SGCD: variants seen among roughly 807,000 people sequenced by gnomAD.
The protein encoded by SGCD is sarcoglycan delta.
Under a neutral mutation model 36.6 loss-of-function variants are expected in SGCD, and 18 were observed. That is an observed-to-expected ratio of 0.49 (90% CI 0.34 to 0.73). The LOEUF is 0.73. Ranked by LOEUF, SGCD falls within the 30% of genes least tolerant of loss-of-function variation. The pLI is 0.01. For missense variants in SGCD, 387 were observed against 346.7 expected, an observed-to-expected ratio of 1.12 and a Z score of -0.92; for synonymous variants, 133 against 130.6, an observed-to-expected ratio of 1.02 and a Z score of -0.12.
At chr5:156,509,349 C>T (rs886145628) in intron 4 of SGCD, among the ~76,000 whole-genome samples, 30 of 152,054 alleles carry the variant, frequency 2.0e-4, no homozygotes, top group African/African-American at 6.3e-4. Context: ...TGCTTGAACC[C>T]AGGAGGTGGA....
intron 6 of SGCD, among the ~76,000 whole-genome samples, chr5:156,636,595 T>C (rs1204449468): frequency 6.6e-6 from 1 of 152,154 alleles, no homozygotes; most frequent in African/African-American, 2.4e-5. Context: ...GAAGTGGCAT[T>C]TGACCTGGGC....
chr5:156,411,393 G>A (rs1393913335), intron 3 of SGCD, among the ~76,000 whole-genome samples: 1 of 152,194 alleles, frequency 6.6e-6, no homozygotes, highest in Non-Finnish European at 1.5e-5. Context: ...GGAGCAGTAG[G>A]GAGTTCGAAG....
chr5:156,477,908 T>G (rs192241970), intron 3 of SGCD, among the ~76,000 whole-genome samples: 1 of 152,052 alleles, frequency 6.6e-6, no homozygotes, highest in Non-Finnish European at 1.5e-5. Flanking sequence ...AGAGAAAAAA[T>G]AATATTTTTA....
At chr5:155,948,379 G>A (rs1757483483) in intron 1 of SGCD, among the ~76,000 whole-genome samples, 1 of 152,154 alleles carries the variant, frequency 6.6e-6, no homozygotes, top group Non-Finnish European at 1.5e-5. Context: ...TTGGGTGGCT[G>A]GCCAAGTCGG....
chr5:156,074,207 C>T (rs1458992237), intron 1 of SGCD, among the ~76,000 whole-genome samples: 2 of 152,116 alleles, frequency 1.3e-5, no homozygotes, highest in Non-Finnish European at 2.9e-5. Context: ...TCAAATGTAG[C>T]TCAAGTACCC....
chr5:156,175,801 C>A (rs1157079907), intron 3 of SGCD, among the ~76,000 whole-genome samples: 2 of 151,928 alleles, frequency 1.3e-5, no homozygotes, highest in Non-Finnish European at 2.9e-5. Flanking sequence ...TGTGATGGTC[C>A]TAATCAATAA....
upstream of SGCD, among the ~76,000 whole-genome samples, chr5:156,325,922 A>G (rs1003004269): frequency 2.0e-5 from 3 of 152,128 alleles, no homozygotes; most frequent in Non-Finnish European, 4.4e-5. Context: ...TTGATGCTAA[A>G]CTCACGACCC....
intron 4 of SGCD, among the ~76,000 whole-genome samples, chr5:156,515,845 G>C (rs1180300034): frequency 6.6e-6 from 1 of 152,228 alleles, no homozygotes; most frequent in Non-Finnish European, 1.5e-5. Flanking sequence ...GTGCCCTGGA[G>C]ACTAGGTGGT....
At chr5:156,203,666 A>G (rs555683311) in intron 3 of SGCD, among the ~76,000 whole-genome samples, 2 of 152,258 alleles carry the variant, frequency 1.3e-5, no homozygotes, top group Admixed American at 1.3e-4. Flanking sequence ...AATAATTTAT[A>G]GACAGTTCCT....
intron 3 of SGCD, among the ~76,000 whole-genome samples, chr5:156,263,601 A>C (rs974858975): frequency 1.3e-5 from 2 of 152,142 alleles, no homozygotes; most frequent in Non-Finnish European, 2.9e-5. Flanking sequence ...TAGTTTAATT[A>C]AGTTCCTATT....
intron 1 of SGCD, among the ~76,000 whole-genome samples, chr5:155,913,626 T>C (rs1409449978): frequency 1.3e-5 from 2 of 152,194 alleles, no homozygotes; most frequent in Non-Finnish European, 2.9e-5. Context: ...AGTTTCTGTT[T>C]TTAGATTATA....
At chr5:156,198,282 T>G (rs185674362) in intron 3 of SGCD, among the ~76,000 whole-genome samples, 17 of 152,184 alleles carry the variant, frequency 1.1e-4, no homozygotes, top group African/African-American at 3.4e-4. Context: ...AAGTAAAAAC[T>G]TGGCCTTGCA....
the SGCD span, among the ~76,000 whole-genome samples, chr5:155,841,034 A>ACGTGGGCT: frequency 0.86 from 114,628 of 133,254 alleles, 49,402 homozygotes; most frequent in East Asian, 0.99. Context: ...AAAAAAAAAG[A>ACGTGGGCT]CTGGGGCACT....
At chr5:156,387,753 A>C (rs1771347102) in intron 3 of SGCD, among the ~76,000 whole-genome samples, 1 of 152,184 alleles carries the variant, frequency 6.6e-6, no homozygotes. Flanking sequence ...CTTCAAGAAA[A>C]ATATCCTTAT....
At chr5:155,743,633 C>T in the SGCD span, among the ~76,000 whole-genome samples, 1 of 152,178 alleles carries the variant, frequency 6.6e-6, no homozygotes, top group Admixed American at 6.5e-5. Flanking sequence ...CTGTATGCTA[C>T]AAAACACCTA....
chr5:156,599,630 C>T lies in SGCD; in HGVS notation c.502+4579C>T, dbSNP rs536314503. Among the ~76,000 whole-genome samples, 21 of 152,188 alleles carry T rather than the reference C, an allele frequency of 1.4e-4. No individual in the cohort carries two copies. In the South Asian group the frequency reaches 2.3e-3, roughly 17 times the overall value. On this transcript the variant is annotated intron_variant, in intron 6 of 8. Transcript: ENST00000337851. The stretch of plus-strand genomic sequence containing the variant: ...ACAACCTTGAGCACATTCAAGGGAT[C>T]TTGAATAGTATGGTAAAAAGACTAG...
At chr5:156,645,950 C>T (rs1763208112) in intron 6 of SGCD, among the ~76,000 whole-genome samples, 1 of 152,102 alleles carries the variant, frequency 6.6e-6, no homozygotes, top group South Asian at 2.1e-4. Flanking sequence ...CTCATTCAGC[C>T]TTCCAAGATT....
chr5:156,047,413 C>T (rs1759795971), intron 1 of SGCD, among the ~76,000 whole-genome samples: 1 of 152,124 alleles, frequency 6.6e-6, no homozygotes, highest in Admixed American at 6.6e-5. Flanking sequence ...AATGCCTGGC[C>T]TCATTGCTTC....
chr5:156,466,873 T>TA (rs1486570263), intron 3 of SGCD, among the ~76,000 whole-genome samples: 5 of 152,186 alleles, frequency 3.3e-5, no homozygotes, highest in African/African-American at 1.2e-4. Context: ...TGCAATTTTT[T>TA]ATTTTTTTTA....
Sources: allele counts gnomAD v4.1 joint callset (sites outside exome capture counted in the v4.1 genomes callset), GRCh38; gene constraint gnomAD v4.1.1; transcripts MANE v1.5; gene names NCBI Gene and HGNC (gene_info 2026-07-23, HGNC 2026-07-21).